SCN8A: variants seen among roughly 807,000 people sequenced by gnomAD.
The protein encoded by SCN8A is sodium voltage-gated channel alpha subunit 8, also known as sodium channel protein type 8 subunit alpha.
A neutral mutation model predicts 184.1 loss-of-function variants in SCN8A; 30 were observed. The ratio of observed to expected loss-of-function variants is 0.16; its 90% CI spans 0.12 to 0.22. The LOEUF is 0.22. Among genes scored for constraint, SCN8A ranks in the 10% least tolerant of loss-of-function variants. SCN8A has a pLI of 1.00. For missense variants in SCN8A, 1,057 were observed against 2,498.9 expected (o/e 0.42, Z 12.30); for synonymous variants, 852 against 907.0 (o/e 0.94, Z 1.09).
intron 12 of SCN8A, 106 bp downstream of exon 12, chr12:51,722,014 C>T (rs2138783830): frequency 6.3e-7 from 1 of 1,578,542 alleles, no homozygotes; most frequent in Admixed American, 1.7e-5. Context: ...TCTTTCCCTG[C>T]TCTGCCCATC....
chr12:51,740,145 G>A (rs1054298181), intron 12 of SCN8A, among the ~76,000 whole-genome samples: 7 of 152,158 alleles, frequency 4.6e-5, no homozygotes, highest in African/African-American at 1.7e-4. Context: ...CCTCATTCCC[G>A]TAAACCCACA....
chr12:51,738,020 G>A (rs1345347299), intron 12 of SCN8A, among the ~76,000 whole-genome samples: 1 of 152,066 alleles, frequency 6.6e-6, no homozygotes, highest in Non-Finnish European at 1.5e-5. Flanking sequence ...TATCCAAATT[G>A]GCTTGTCTGT....
At chr12:51,772,469 G>A (rs1942940770) in intron 19 of SCN8A, among the ~76,000 whole-genome samples, 1 of 151,948 alleles carries the variant, frequency 6.6e-6, no homozygotes, top group Non-Finnish European at 1.5e-5. Context: ...GGTTACAATG[G>A]GACTAAAGAG....
chr12:51,654,945 G>A (rs1940791115), intron 1 of SCN8A, among the ~76,000 whole-genome samples: 1 of 152,124 alleles, frequency 6.6e-6, no homozygotes, highest in African/African-American at 2.4e-5. Context: ...TGTCACCCAG[G>A]CTGGAGTGCA....
chr12:51,735,640 T>A (rs1046353806), intron 12 of SCN8A, among the ~76,000 whole-genome samples: 19 of 152,196 alleles, frequency 1.2e-4, no homozygotes, highest in African/African-American at 4.6e-4. Flanking sequence ...CCTCCATCTC[T>A]GACAGCTTCT....
intron 1 of SCN8A, among the ~76,000 whole-genome samples, chr12:51,610,763 G>T (rs1939704292): frequency 6.6e-6 from 1 of 152,198 alleles, no homozygotes; most frequent in Non-Finnish European, 1.5e-5. Context: ...TGAGAAATCT[G>T]CTGTTAATCT....
intron 1 of SCN8A, among the ~76,000 whole-genome samples, chr12:51,598,515 A>G (rs1358220713): frequency 6.6e-6 from 1 of 152,176 alleles, no homozygotes; most frequent in African/African-American, 2.4e-5. Context: ...AAAAAAATGT[A>G]ATATTCTTAA....
intron 11 of SCN8A, among the ~76,000 whole-genome samples, chr12:51,708,553 C>G (rs1323335556): frequency 6.6e-6 from 1 of 152,086 alleles, no homozygotes; most frequent in Non-Finnish European, 1.5e-5. Context: ...AGTGTCTTTT[C>G]TTTTTTCCCA....
chr12:51,672,632 C>T (rs1941153071), intron 2 of SCN8A, among the ~76,000 whole-genome samples: 1 of 152,154 alleles, frequency 6.6e-6, no homozygotes, highest in Non-Finnish European at 1.5e-5. Flanking sequence ...ATATTCAACA[C>T]CTTGCCAGTC....
At position 51,604,610 on chromosome 12, in the gene SCN8A, A is replaced by G. The variant is rs541565373; in HGVS notation, c.-55+13251A>G. On this transcript the variant is annotated intron_variant, in intron 1 of 26. Transcript: ENST00000627620. ...CATGTCACGATCTCAGCTCACCGCA[A>G]CCTCCGCCTCCCCTTCAAGCAATTC... is the stretch of plus-strand genomic sequence containing the variant. Among the ~76,000 whole-genome samples the G allele has an allele frequency of 6.2e-5, 9 of 144,118 alleles. No individual in the cohort carries two copies. In the South Asian group the frequency reaches 1.8e-3, roughly 29 times the overall value. The allele number at this position is 144,118 out of a possible 152,430, so 94.5% of individuals were successfully genotyped here.
chr12:51,601,852 AG>A (rs1345886616), intron 1 of SCN8A, among the ~76,000 whole-genome samples: 24 of 140,894 alleles, frequency 1.7e-4, no homozygotes, highest in African/African-American at 6.1e-4. Flanking sequence ...GCTCAGAGAA[AG>A]GGTTTTTTTT....
intron 14 of SCN8A, among the ~76,000 whole-genome samples, chr12:51,755,853 C>T (rs181491367): frequency 1.4e-3 from 213 of 152,274 alleles, no homozygotes; most frequent in African/African-American, 4.7e-3. Flanking sequence ...TAAGAAACCT[C>T]GTTGCCACTA....
At chr12:51,688,619 A>G (rs1941457736) in intron 5 of SCN8A, 1 of 646,320 alleles carries the variant, frequency 1.5e-6, no homozygotes, top group Non-Finnish European at 2.7e-6. Context: ...ATGTTCCTTA[A>G]ATGTTTGTAT....
intron 19 of SCN8A, among the ~76,000 whole-genome samples, chr12:51,772,804 C>T (rs111939278): frequency 0.022 from 3,146 of 146,160 alleles, 87 homozygotes; most frequent in African/African-American, 0.076. Flanking sequence ...CACGGTGAAA[C>T]CCCATCTCTA....
chr12:51,751,693 A>T, intron 14 of SCN8A, 100 bp downstream of exon 14: 1 of 871,850 alleles, frequency 1.1e-6, no homozygotes, highest in Non-Finnish European at 1.8e-6. Context: ...TTGAAAAGAA[A>T]GTAATAGTTA....
chr12:51,610,692 G>A (rs1939703044), intron 1 of SCN8A, among the ~76,000 whole-genome samples: 1 of 152,122 alleles, frequency 6.6e-6, no homozygotes, highest in Non-Finnish European at 1.5e-5. Context: ...GCTGATAATT[G>A]TTTTGTTTGA....
intron 26 of SCN8A, among the ~76,000 whole-genome samples, chr12:51,804,961 ATAAG>A (rs1938659879): frequency 6.6e-6 from 1 of 152,144 alleles, no homozygotes; most frequent in African/African-American, 2.4e-5. Flanking sequence ...GCATTAGAGA[ATAAG>A]TAAGACATCA....
At chr12:51,759,000 G>GTA (rs1015179127) in intron 14 of SCN8A, among the ~76,000 whole-genome samples, 255 of 149,608 alleles carry the variant, frequency 1.7e-3, no homozygotes, top group Middle Eastern at 0.011. Context: ...GTGTGTGTGT[G>GTA]TATATATATA....
At position 51,616,544 on chromosome 12, in the gene SCN8A, G is replaced by A. The variant is rs561219285; in HGVS notation, c.-55+25185G>A. ...GGAGAATCATTTGAACCCGGGAGGCGGAGGTACAGTGAGCAAAGAATGCAC... is the reference window on the plus strand; with the variant it reads ...GGAGAATCATTTGAACCCGGGAGGCAGAGGTACAGTGAGCAAAGAATGCAC... On this transcript the variant is annotated intron_variant, in intron 1 of 26. Transcript: ENST00000627620. Among the ~76,000 whole-genome samples, 12 of 151,600 alleles carry A rather than the reference G, an allele frequency of 7.9e-5. No homozygotes were observed. The South Asian group carries it at 1.5e-3, about 18-fold the overall frequency.
Sources: allele counts gnomAD v4.1 joint callset (sites outside exome capture counted in the v4.1 genomes callset), GRCh38; gene constraint gnomAD v4.1.1; transcripts MANE v1.5; gene names NCBI Gene and HGNC (gene_info 2026-07-23, HGNC 2026-07-21).